HILPDA: variants seen among roughly 807,000 people sequenced by gnomAD.
HILPDA encodes the protein hypoxia inducible lipid droplet associated.
For missense variants in HILPDA, 72 were observed against 73.5 expected, an observed-to-expected ratio of 0.98 and a Z score of 0.08; for synonymous variants, 37 against 33.2, an observed-to-expected ratio of 1.12 and a Z score of -0.40.
chr7:128,456,403 T>G, intron 1 of HILPDA: 1 of 165,604 alleles, frequency 6.0e-6, no homozygotes, highest in South Asian at 1.3e-4. Context: ...ATGGTATGTT[T>G]GTTAAATAAA....
At position 128,457,317 on chromosome 7, in the gene HILPDA, C is replaced by G; in HGVS notation, c.49C>G (p.Leu17Val). 1 of 1,614,086 alleles carries G rather than the reference C, an allele frequency of 6.2e-7. No individual in the cohort carries two copies. Among genetic ancestry groups the G allele is most frequent in the Non-Finnish European group, 8.5e-7 (1 of 1,179,964 alleles). Residue 17 changes from leucine to valine, a missense_variant, in exon 2 of 2, where the codon CTC becomes GTC. Transcript: ENST00000257696. ...CCTGTTAGGTGTGGTACTGACCCTA[C>G]TCTCCATCTTCGTTAGAGTGATGGA... ...LYLLGVVLTL[L>V]SIFVRVMESL...
In HILPDA at chr7:128,457,450, G is replaced by A; in HGVS notation, c.182G>A (p.Arg61Lys). The change falls in exon 2 of 2, where the codon AGA becomes AAA. Residue 61 changes from arginine (R) to lysine (K), a missense_variant. Coordinates refer to ENST00000257696, the MANE Select transcript of HILPDA (RefSeq NM_013332.4). ...PTKGLPDHPS[R>K]SM is the part of the protein sequence containing the mutation. ...AAGGGCCTTCCAGACCATCCATCCA[G>A]AAGCATGTGATAAGACCTCCTTCCA... is the stretch of plus-strand genomic sequence containing the variant. 6.2e-7 allele frequency: 1 copy of A among 1,614,164 alleles called. No homozygotes were observed. Among genetic ancestry groups the A allele is most frequent in the Non-Finnish European group, 8.5e-7 (1 of 1,180,002 alleles).
chr7:128,456,498 C>T (rs1799542848), intron 1 of HILPDA: 1 of 158,140 alleles, frequency 6.3e-6, no homozygotes, highest in Non-Finnish European at 1.4e-5. Flanking sequence ...GTGGGAGAGA[C>T]TTCTAGGCAG....
rs1281714625 is a variant in HILPDA, at chr7:128,458,172, CTT to C, written c.*713_*714del. ...CTCAATTATTTGGTGTTGAGCCTCT[CTT>C]CCACAAGAGCTCCTCCATGTTTGGA... On this transcript the variant is annotated 3_prime_UTR_variant, in exon 2 of 2. Transcript: ENST00000257696. 6.0e-6 allele frequency: 1 copy of C among 166,046 alleles called. No homozygotes were observed. The highest frequency in any genetic ancestry group is 1.9e-4 in the East Asian group (1 of 5,140). The allele number at this position is 166,046 out of a possible 1,614,324, so 10.3% of individuals were successfully genotyped here.
At chr7:128,456,910 C>T (rs1157545698) in intron 1 of HILPDA, among the ~76,000 whole-genome samples, 1 of 152,222 alleles carries the variant, frequency 6.6e-6, no homozygotes, top group East Asian at 1.9e-4. Flanking sequence ...GATCCACCCG[C>T]CTCGGCCTCC....
rs1438498761 is a variant in HILPDA at position 128,457,366 on chromosome 7, G to GC, written c.101dup (p.Ser35IlefsTer55). The GC allele has an allele frequency of 3.1e-6, 5 of 1,614,156 alleles. No homozygotes were observed. In the Admixed American group the frequency reaches 8.3e-5, roughly 27 times the overall value. ...GAGTCCCTAGAGGGCTTACTAGAGA[G>GC]CCCATCGCCTGGGACCTCCTGGACC... On this transcript the variant is annotated frameshift_variant, in exon 2 of 2. Coordinates refer to ENST00000257696, the MANE Select transcript of HILPDA (RefSeq NM_013332.4). LOFTEE classifies it low-confidence loss of function (END_TRUNC).
Position 128,457,751 on chromosome 7 carries a change from A to AAAATACAAAAGTT in HILPDA, c.*293_*305dup, listed in dbSNP as rs375057895. ...ACATGGCGAAACCCCATCTCTACTA[A>AAAATACAAAAGTT]AAATACAAAAGTTAGCTGGGTGTGG... On this transcript the variant is annotated 3_prime_UTR_variant, in exon 2 of 2. Transcript: ENST00000257696. 0.096 allele frequency: 26,470 copies of AAAATACAAAAGTT among 275,866 alleles called. 1,593 individuals are homozygous for AAAATACAAAAGTT. Among genetic ancestry groups the AAAATACAAAAGTT allele is most frequent in the Non-Finnish European group, 0.12 (16,059 of 135,560 alleles). 17.1% of individuals were successfully genotyped at this position (275,866 alleles called of 1,614,324 possible). A position where few individuals can be genotyped will look rare whatever the true frequency, so the allele number is the denominator to read the frequency against.
rs1305262726 is a variant in HILPDA at position 128,457,482 on chromosome 7, C to T, written c.*22C>T. ...GTGATAAGACCTCCTTCCATACTGGCCATATTTTGGAACACTGACCTAGAC... is the reference window on the plus strand; with the variant it reads ...GTGATAAGACCTCCTTCCATACTGGTCATATTTTGGAACACTGACCTAGAC... On this transcript the variant is annotated 3_prime_UTR_variant, in exon 2 of 2. Transcript: ENST00000257696. 1.2e-6 allele frequency: 2 copies of T among 1,610,170 alleles called. No homozygotes were observed. Among genetic ancestry groups the T allele is most frequent in the African/African-American group, 2.7e-5 (2 of 74,828 alleles).
Position 128,457,579 on chromosome 7 carries a change from C to T in HILPDA, c.*119C>T. 1 of 949,052 alleles carries T rather than the reference C, an allele frequency of 1.1e-6. No individual in the cohort carries two copies. Among genetic ancestry groups the T allele is most frequent in the East Asian group, 2.5e-5 (1 of 39,480 alleles). The allele number at this position is 949,052 out of a possible 1,614,324, so 58.8% of individuals were successfully genotyped here. The stretch of plus-strand genomic sequence containing the variant: ...TGTAACCAGAGAACTATTACTAGGC[C>T]TTGAAGAACCTGTCTAACTGGATGC... On this transcript the variant is annotated 3_prime_UTR_variant, in exon 2 of 2. Coordinates refer to ENST00000257696, the MANE Select transcript of HILPDA (RefSeq NM_013332.4).
In HILPDA at chr7:128,457,693, CCT is replaced by C; in HGVS notation, c.*234_*235del. 1 of 414,206 alleles carries C rather than the reference CCT, an allele frequency of 2.4e-6. No individual in the cohort carries two copies. The highest frequency in any genetic ancestry group is 4.5e-6 in the Non-Finnish European group (1 of 221,328). The allele number at this position is 414,206 out of a possible 1,614,324, so 25.7% of individuals were successfully genotyped here. ...TTGGGAGGCTGAGGTGGGTGGATCA[CCT>C]GAGGTCAGGAGTTCGAGACCAGCCT... On this transcript the variant is annotated 3_prime_UTR_variant, in exon 2 of 2. Transcript: ENST00000257696.
Position 128,457,212 on chromosome 7 carries a change from C to G in HILPDA, c.-57C>G. The G allele has an allele frequency of 1.3e-6, 2 of 1,486,858 alleles. No individual in the cohort carries two copies. The highest frequency in any genetic ancestry group is 1.2e-5 in the South Asian group (1 of 83,448). The allele number at this position is 1,486,858 out of a possible 1,614,324, so 92.1% of individuals were successfully genotyped here. A position where few individuals can be genotyped will look rare whatever the true frequency, so the allele number is the denominator to read the frequency against. The stretch of plus-strand genomic sequence containing the variant: ...CTCTTTTTTCTCAGGGTCCAGAGGC[C>G]TTTCAGAAGGAGAAGGCAGCTCTGT... On this transcript the variant is annotated 5_prime_UTR_variant, in exon 2 of 2. Coordinates refer to ENST00000257696, the MANE Select transcript of HILPDA (RefSeq NM_013332.4).
chr7:128,455,919 G>A lies in HILPDA; in HGVS notation c.-173G>A, dbSNP rs1469877656. The stretch of plus-strand genomic sequence containing the variant: ...GGCGCTTTTGTCTCCGGTGAGTTTT[G>A]TGGCGGGAAGCTTCTGCGCTGGTGC... On this transcript the variant is annotated 5_prime_UTR_variant, in exon 1 of 2. It adds an upstream start codon to the 5' untranslated region. Coordinates refer to ENST00000257696, the MANE Select transcript of HILPDA (RefSeq NM_013332.4). 1 of 456,702 alleles carries A rather than the reference G, an allele frequency of 2.2e-6. No homozygotes were observed. The highest frequency in any genetic ancestry group is 4.4e-6 in the Non-Finnish European group (1 of 226,964). The allele number at this position is 456,702 out of a possible 1,614,324, so 28.3% of individuals were successfully genotyped here.
Position 128,457,768 on chromosome 7 carries a change from T to A in HILPDA, c.*308T>A, listed in dbSNP as rs970359453. ...CTCTACTAAAAATACAAAAGTTAGC[T>A]GGGTGTGGTGGCAGAGGCCTGTAAT... On this transcript the variant is annotated 3_prime_UTR_variant, in exon 2 of 2. Coordinates refer to ENST00000257696, the MANE Select transcript of HILPDA (RefSeq NM_013332.4). The A allele has an allele frequency of 1.1e-5, 3 of 265,918 alleles. No homozygotes were observed. Among genetic ancestry groups the A allele is most frequent in the Non-Finnish European group, 1.5e-5 (2 of 130,386 alleles). The allele number at this position is 265,918 out of a possible 1,614,324, so 16.5% of individuals were successfully genotyped here.
At position 128,455,990 on chromosome 7, in the gene HILPDA, A is replaced by G. The variant is rs1168942085; in HGVS notation, c.-102A>G. On this transcript the variant is annotated 5_prime_UTR_variant, in exon 1 of 2. Coordinates refer to ENST00000257696, the MANE Select transcript of HILPDA (RefSeq NM_013332.4). ...GGACTCCTGCACGACCTGCTCCTAC[A>G]GCCGGCGATCCACTCCCGGCTGTTC... 2 of 456,364 alleles carry G rather than the reference A, an allele frequency of 4.4e-6. No individual in the cohort carries two copies. The highest frequency in any genetic ancestry group is 3.1e-5 in the South Asian group (2 of 64,520). 28.3% of individuals were successfully genotyped at this position (456,364 alleles called of 1,614,324 possible). A position where few individuals can be genotyped will look rare whatever the true frequency, so the allele number is the denominator to read the frequency against.
At position 128,457,660 on chromosome 7, in the gene HILPDA, C is replaced by T. The variant is rs1043915791; in HGVS notation, c.*200C>T. The T allele has an allele frequency of 5.7e-6, 3 of 525,424 alleles. No homozygotes were observed. Among genetic ancestry groups the T allele is most frequent in the Admixed American group, 3.2e-5 (1 of 31,576 alleles). 32.5% of individuals were successfully genotyped at this position (525,424 alleles called of 1,614,324 possible). On this transcript the variant is annotated 3_prime_UTR_variant, in exon 2 of 2. Transcript: ENST00000257696. ...GTTGCGGTGGCTCATGCCTGTAATC[C>T]TAGCACTTTGGGAGGCTGAGGTGGG...
Position 128,457,551 on chromosome 7 carries a change from C to T in HILPDA, c.*91C>T, listed in dbSNP as rs77087205. On this transcript the variant is annotated 3_prime_UTR_variant, in exon 2 of 2. Transcript: ENST00000257696. ...CATTCCTAGCAGACAAGCTGAGCAC[C>T]GTTGTAACCAGAGAACTATTACTAG... 102 of 1,189,022 alleles carry T rather than the reference C, an allele frequency of 8.6e-5. No individual in the cohort carries two copies. The highest frequency in any genetic ancestry group is 1.1e-4 in the Non-Finnish European group (91 of 813,204). 73.7% of individuals were successfully genotyped at this position (1,189,022 alleles called of 1,614,324 possible).
chr7:128,457,159 C>A, intron 1 of HILPDA, 42 bp from the exon 2 acceptor site: 1 of 901,402 alleles, frequency 1.1e-6, no homozygotes, highest in Non-Finnish European at 1.7e-6. Context: ...GCATGCATAT[C>A]CCCAAAAGGC....
In HILPDA at chr7:128,457,276, A is replaced by G. The variant is rs1799555612; in HGVS notation, c.8A>G (p.His3Arg). Reference sequence around the variant, plus strand: ...AGTAGGGTCCTTTCAGCCATGAAGCATGTGTTGAACCTCTACCTGTTAGGT... The same window carrying G: ...AGTAGGGTCCTTTCAGCCATGAAGCGTGTGTTGAACCTCTACCTGTTAGGT... MK[H>R]VLNLYLLGVV... The change falls in exon 2 of 2, where the codon CAT (histidine) becomes CGT (arginine). Residue 3 changes from histidine to arginine, a missense_variant. Coordinates refer to ENST00000257696, the MANE Select transcript of HILPDA (RefSeq NM_013332.4). The G allele has an allele frequency of 6.2e-7, 1 of 1,609,710 alleles. No homozygotes were observed. The highest frequency in any genetic ancestry group is 1.3e-5 in the African/African-American group (1 of 74,830).
intron 1 of HILPDA, chr7:128,456,549 C>CA (rs1799543808): frequency 6.4e-6 from 1 of 155,052 alleles, no homozygotes; most frequent in Non-Finnish European, 1.4e-5. Context: ...TCCCATTACC[C>CA]ACCACCCCCC....
Sources: allele counts gnomAD v4.1 joint callset (sites outside exome capture counted in the v4.1 genomes callset), GRCh38; gene constraint gnomAD v4.1.1; transcripts MANE v1.5; gene names NCBI Gene and HGNC (gene_info 2026-07-23, HGNC 2026-07-21).